DSCAM: variants seen among roughly 807,000 people sequenced by gnomAD.
The protein encoded by DSCAM is DS cell adhesion molecule.
DSCAM carries 47 observed loss-of-function variants against 217.7 expected under a neutral mutation model. That is an observed-to-expected ratio of 0.22 (90% CI 0.17 to 0.28). The LOEUF (loss-of-function observed/expected upper bound fraction) is 0.28. Among genes scored for constraint, DSCAM ranks in the 10% least tolerant of loss-of-function variants. The pLI, the probability that DSCAM is intolerant of heterozygous loss-of-function variation, is 1.00. For synonymous variants in DSCAM, 1,056 were observed against 1,015.3 expected (o/e 1.04, Z -0.76); for missense variants, 2,080 against 2,618.3 (o/e 0.79, Z 4.49).
chr21:40,216,693 T>C (rs2091246596), intron 11 of DSCAM, among the ~76,000 whole-genome samples: 1 of 152,236 alleles, frequency 6.6e-6, no homozygotes, highest in African/African-American at 2.4e-5. Context: ...ATTTTGCACC[T>C]GGCAGATGAG....
chr21:40,151,099 G>T (rs183135456), intron 16 of DSCAM, among the ~76,000 whole-genome samples: 38 of 152,078 alleles, frequency 2.5e-4, no homozygotes, highest in Middle Eastern at 3.4e-3. Flanking sequence ...AGATCTGATC[G>T]CTGCCTCATC....
At chr21:40,743,595 AC>A (rs1173813665) in intron 1 of DSCAM, among the ~76,000 whole-genome samples, 2 of 152,224 alleles carry the variant, frequency 1.3e-5, no homozygotes, top group African/African-American at 2.4e-5. Context: ...GAAGAAAAAA[AC>A]AATCAAATGT....
Position 40,189,074 on chromosome 21 carries a change from C to T in DSCAM, c.2521G>A (p.Glu841Lys), listed in dbSNP as rs1362972133. The part of the protein sequence containing the change: ...EMARYLVSTK[E>K]VGEEVISTLQ... ...GTAGAAATCACCTCTTCTCCCACCT[C>T]CTTGGTGGACACAAGATAACGGGCC... is the stretch of plus-strand genomic sequence containing the variant. The change falls in exon 12 of 33, where the codon GAG (glutamate) becomes AAG (lysine). Residue 841 changes from glutamate to lysine, a missense_variant. Physicochemically the swap from Glu to Lys is moderately conservative, Grantham distance 56. Transcript: ENST00000400454. 6.2e-7 allele frequency: 1 copy of T among 1,614,178 alleles called. No individual in the cohort carries two copies. The highest frequency in any genetic ancestry group is 1.7e-5 in the Admixed American group (1 of 60,016).
intron 30 of DSCAM, among the ~76,000 whole-genome samples, chr21:40,051,651 C>G (rs1028201605): frequency 6.6e-6 from 1 of 152,130 alleles, no homozygotes; most frequent in Admixed American, 6.5e-5. Context: ...TGGCATACAG[C>G]AGATACACAC....
chr21:40,049,451 G>A (rs8131288), intron 30 of DSCAM, among the ~76,000 whole-genome samples: 2,672 of 152,192 alleles, frequency 0.018, 77 homozygotes, highest in African/African-American at 0.06. Context: ...GGACCCAAGA[G>A]AGCCCCTCCC....
chr21:40,123,597 C>A (rs1336626311), intron 20 of DSCAM, among the ~76,000 whole-genome samples: 1 of 152,140 alleles, frequency 6.6e-6, no homozygotes, highest in Non-Finnish European at 1.5e-5. Context: ...ATAACAAAAA[C>A]CACACTTTGA....
chr21:40,391,548 A>C (rs999940305), intron 3 of DSCAM, among the ~76,000 whole-genome samples: 35 of 152,222 alleles, frequency 2.3e-4, no homozygotes, highest in Non-Finnish European at 4.4e-4. Context: ...AAATTTTATC[A>C]GTTTCATACT....
At chr21:40,836,907 C>A (rs2092061672) in intron 1 of DSCAM, among the ~76,000 whole-genome samples, 1 of 152,206 alleles carries the variant, frequency 6.6e-6, no homozygotes, top group African/African-American at 2.4e-5. Flanking sequence ...CAAACTACAG[C>A]CCATTCCCCA....
At chr21:40,072,796 A>G (rs1418698463) in intron 27 of DSCAM, among the ~76,000 whole-genome samples, 2 of 152,092 alleles carry the variant, frequency 1.3e-5, no homozygotes, top group African/African-American at 4.8e-5. Context: ...TTCCCTCAGC[A>G]CTTACTTTCT....
intron 3 of DSCAM, among the ~76,000 whole-genome samples, chr21:40,602,450 C>A (rs1191779296): frequency 6.6e-6 from 1 of 152,054 alleles, no homozygotes; most frequent in African/African-American, 2.4e-5. Flanking sequence ...AACACTGGTG[C>A]CTGATGCTAT....
intron 11 of DSCAM, among the ~76,000 whole-genome samples, chr21:40,233,165 C>T (rs2091396778): frequency 6.6e-6 from 1 of 151,970 alleles, no homozygotes; most frequent in African/African-American, 2.4e-5. Flanking sequence ...CACATGTACT[C>T]CCGAACCTAA....
chr21:40,345,262 T>A (rs1378047399), intron 6 of DSCAM, among the ~76,000 whole-genome samples: 1 of 152,230 alleles, frequency 6.6e-6, no homozygotes, highest in Non-Finnish European at 1.5e-5. Flanking sequence ...TTGCTTTGTC[T>A]TTTGTCCTTT....
intron 3 of DSCAM, among the ~76,000 whole-genome samples, chr21:40,667,346 G>C (rs1207059260): frequency 1.3e-5 from 2 of 152,162 alleles, no homozygotes; most frequent in Non-Finnish European, 2.9e-5. Context: ...GTCCCGAGCA[G>C]GAGAAATGTA....
intron 20 of DSCAM, 111 bp downstream of exon 20, chr21:40,124,084 C>A (rs1283888626): frequency 2.0e-5 from 29 of 1,484,894 alleles, no homozygotes; most frequent in Non-Finnish European, 2.5e-5. Flanking sequence ...AACAAAACCA[C>A]TGGAAAGACC....
At chr21:40,175,252 G>C (rs1020373931) in intron 15 of DSCAM, among the ~76,000 whole-genome samples, 1 of 152,112 alleles carries the variant, frequency 6.6e-6, no homozygotes, top group African/African-American at 2.4e-5. Context: ...TGGGATTACA[G>C]GCATGTGCCA....
intron 3 of DSCAM, among the ~76,000 whole-genome samples, chr21:40,370,676 A>G (rs553067115): frequency 2.6e-5 from 4 of 152,008 alleles, no homozygotes; most frequent in African/African-American, 9.6e-5. Context: ...GCTGTGGTGC[A>G]GTGGTATCAT....
At chr21:40,742,260 T>C (rs2091131396) in intron 1 of DSCAM, among the ~76,000 whole-genome samples, 1 of 152,252 alleles carries the variant, frequency 6.6e-6, no homozygotes, top group Non-Finnish European at 1.5e-5. Context: ...ACTATGCAGC[T>C]CATTTCCCAA....
At chr21:40,414,706 A>G (rs929839522) in intron 3 of DSCAM, among the ~76,000 whole-genome samples, 3 of 152,214 alleles carry the variant, frequency 2.0e-5, no homozygotes, top group Non-Finnish European at 2.9e-5. Context: ...GGTATGTCTC[A>G]AAAATCACAG....
At chr21:40,418,854 A>G (rs964741854) in intron 3 of DSCAM, among the ~76,000 whole-genome samples, 7 of 152,096 alleles carry the variant, frequency 4.6e-5, no homozygotes, top group East Asian at 3.9e-4. Context: ...AAATTTAGAG[A>G]AAAAAAACCC....
Sources: gnomAD v4.1 joint callset for allele counts (sites outside exome capture counted in the v4.1 genomes callset) on GRCh38, gnomAD v4.1.1 for gene constraint, MANE v1.5 for transcripts, NCBI Gene and HGNC (gene_info 2026-07-23, HGNC 2026-07-21) for gene names.